SOX5: variants seen among roughly 807,000 people sequenced by gnomAD.
SOX5 encodes SRY-box transcription factor 5.
In SOX5, 9 loss-of-function variants were observed where a neutral mutation model predicts 92.0. The ratio of observed to expected loss-of-function variants is 0.10; its 90% CI spans 0.06 to 0.17. The LOEUF is 0.17. Ranked by LOEUF, SOX5 falls within the 10% of genes least tolerant of loss-of-function variation. The probability of loss-of-function intolerance (pLI) is 1.00; values close to 1 mark genes in which losing one functional copy is unlikely to be tolerated. For missense variants in SOX5, 642 were observed against 944.5 expected (o/e 0.68, Z 4.20); for synonymous variants, 344 against 336.3 (o/e 1.02, Z -0.25).
intron 3 of SOX5, among the ~76,000 whole-genome samples, chr12:23,837,055 C>T (rs4608183): frequency 0.8 from 119,690 of 149,844 alleles, 47,983 homozygotes; most frequent in East Asian, 0.89. Flanking sequence ...CATAGTGTCA[C>T]TGTCCTGATG....
chr12:24,154,463 T>C (rs1188116458), intron 4 of SOX5, among the ~76,000 whole-genome samples: 1 of 152,112 alleles, frequency 6.6e-6, no homozygotes, highest in Non-Finnish European at 1.5e-5. Context: ...CTCATTGCTA[T>C]ATGGAAAGGT....
intron 8 of SOX5, among the ~76,000 whole-genome samples, chr12:23,631,977 C>G (rs904060347): frequency 6.6e-6 from 1 of 152,124 alleles, no homozygotes; most frequent in Non-Finnish European, 1.5e-5. Flanking sequence ...CGACAAACTG[C>G]TGGGCTCTGA....
intron 3 of SOX5, among the ~76,000 whole-genome samples, chr12:24,246,239 C>T (rs575535331): frequency 6.7e-6 from 1 of 149,170 alleles, no homozygotes; most frequent in Non-Finnish European, 1.5e-5. Flanking sequence ...AGTTTTTTGC[C>T]TAATTTTTTT....
At chr12:23,537,981 G>T (rs1281172010) in intron 13 of SOX5, among the ~76,000 whole-genome samples, 5 of 150,930 alleles carry the variant, frequency 3.3e-5, no homozygotes, top group African/African-American at 7.3e-5. Context: ...AAATCTATTT[G>T]CAGATGAAGT....
chr12:23,582,582 A>G (rs1373598814), intron 9 of SOX5, among the ~76,000 whole-genome samples: 2 of 152,096 alleles, frequency 1.3e-5, no homozygotes, highest in African/African-American at 4.8e-5. Context: ...TTACTTTTAG[A>G]CTTACAAATT....
chr12:23,604,603 G>T (rs763341190), intron 8 of SOX5, 70 bp from the exon 9 acceptor site: 344 of 1,443,144 alleles, frequency 2.4e-4, no homozygotes, highest in Non-Finnish European at 3.2e-4. Context: ...CATTCAGAAA[G>T]TACATATATT....
At chr12:24,483,822 C>A (rs1234629795) in intron 1 of SOX5, among the ~76,000 whole-genome samples, 1 of 152,212 alleles carries the variant, frequency 6.6e-6, no homozygotes, top group African/African-American at 2.4e-5. Context: ...TTTATGAACA[C>A]ACTTTCTGCA....
chr12:24,439,822 G>GAGGCGGAGCTTGCAGC (rs1444798021), intron 1 of SOX5, among the ~76,000 whole-genome samples: 1 of 152,118 alleles, frequency 6.6e-6, no homozygotes, highest in African/African-American at 2.4e-5. Context: ...GTGAACCCAG[G>GAGGCGGAGCTTGCAGC]AGGCGGAGCT....
At chr12:23,877,944 T>A (rs989188596) in intron 2 of SOX5, among the ~76,000 whole-genome samples, 2 of 152,046 alleles carry the variant, frequency 1.3e-5, no homozygotes, top group Non-Finnish European at 2.9e-5. Flanking sequence ...TATTTTCTTA[T>A]GCTTTTCGGG....
chr12:24,311,016 A>C (rs970683803), intron 2 of SOX5, among the ~76,000 whole-genome samples: 1 of 152,236 alleles, frequency 6.6e-6, no homozygotes, highest in African/African-American at 2.4e-5. Context: ...AAAACTACAG[A>C]GCAAGAAGGT....
chr12:24,051,531 G>T (rs942918202), intron 4 of SOX5, among the ~76,000 whole-genome samples: 51 of 152,238 alleles, frequency 3.4e-4, no homozygotes, highest in African/African-American at 1.2e-3. Flanking sequence ...AGAACGAAGA[G>T]CTAGTTCAAT....
intron 1 of SOX5, among the ~76,000 whole-genome samples, chr12:24,530,206 A>C (rs755357750): frequency 3.9e-5 from 6 of 152,170 alleles, no homozygotes; most frequent in Admixed American, 6.5e-5. Context: ...CAGTTTACAA[A>C]ATGCATTCAC....
At chr12:23,709,121 A>T (rs892893122) in intron 6 of SOX5, among the ~76,000 whole-genome samples, 8 of 152,056 alleles carry the variant, frequency 5.3e-5, no homozygotes, top group African/African-American at 1.7e-4. Flanking sequence ...ATTTATTTTG[A>T]GATAGGGTCT....
At chr12:23,797,683 T>C (rs373975715) in intron 3 of SOX5, among the ~76,000 whole-genome samples, 6 of 152,080 alleles carry the variant, frequency 3.9e-5, no homozygotes, top group Admixed American at 3.9e-4. Context: ...TAAAGAAGTC[T>C]GAAATTATAA....
intron 3 of SOX5, among the ~76,000 whole-genome samples, chr12:24,270,614 T>C (rs370821371): frequency 1.3e-5 from 2 of 152,338 alleles, no homozygotes; most frequent in African/African-American, 4.8e-5. Context: ...AGGTCATTAC[T>C]GGCACTCTCT....
chr12:24,425,994 C>G (rs765801127), intron 1 of SOX5, among the ~76,000 whole-genome samples: 1 of 152,126 alleles, frequency 6.6e-6, no homozygotes, highest in African/African-American at 2.4e-5. Context: ...GTGAGAAACA[C>G]TACCAAGGAA....
At chr12:24,156,860 A>T (rs1042653512) in intron 4 of SOX5, among the ~76,000 whole-genome samples, 2 of 152,122 alleles carry the variant, frequency 1.3e-5, no homozygotes, top group Non-Finnish European at 2.9e-5. Context: ...AACTTGTGAG[A>T]AAATGTCTTT....
At position 23,546,054 on chromosome 12, in the gene SOX5, G is replaced by A. The variant is rs946249132; in HGVS notation, c.1597+262C>T. 2.6e-5 allele frequency among the ~76,000 whole-genome samples: 4 copies of A among 152,016 alleles called. No homozygotes were observed. The South Asian group carries it at 6.2e-4, about 24-fold the overall frequency. ...TGACACTTAGAGCCCTGTGACCTGG[G>A]GAAAATGCTTCAAAACTCCTGAGGC... On this transcript the variant is annotated intron_variant, in intron 12 of 14. Coordinates refer to ENST00000451604, the MANE Select transcript of SOX5 (RefSeq NM_006940.6).
At chr12:24,332,785 G>A (rs2140998191) in intron 2 of SOX5, among the ~76,000 whole-genome samples, 1 of 152,190 alleles carries the variant, frequency 6.6e-6, no homozygotes, top group South Asian at 2.1e-4. Flanking sequence ...GGACCCCAGA[G>A]AGCAGAAATA....
Sources: gnomAD v4.1 joint callset for allele counts (sites outside exome capture counted in the v4.1 genomes callset) on GRCh38, gnomAD v4.1.1 for gene constraint, MANE v1.5 for transcripts, NCBI Gene and HGNC (gene_info 2026-07-23, HGNC 2026-07-21) for gene names.